Variants in AGBL1 observed in about 807,000 individuals in gnomAD.
AGBL1 encodes AGBL carboxypeptidase 1, also known as cytosolic carboxypeptidase 4.
AGBL1 carries 130 observed loss-of-function variants against 118.9 expected under a neutral mutation model. The ratio of observed to expected loss-of-function variants is 1.09; its 90% confidence interval spans 0.95 to 1.26. AGBL1 has a LOEUF of 1.26. Ranked by LOEUF, AGBL1 falls within the 50% of genes most tolerant of loss-of-function variation. AGBL1 has a pLI of 0.00. For missense variants in AGBL1, 1,584 were observed against 1,298.1 expected (o/e 1.22, Z -3.38); for synonymous variants, 555 against 478.9 (o/e 1.16, Z -2.08).
intron 22 of AGBL1, among the ~76,000 whole-genome samples, chr15:86,781,299 G>T (rs543088527): frequency 6.6e-5 from 10 of 151,944 alleles, no homozygotes; most frequent in Admixed American, 5.9e-4. Flanking sequence ...CCTGCCTTCC[G>T]TAGGGTTAAT....
chr15:86,273,564 A>T (rs79738803), intron 15 of AGBL1, among the ~76,000 whole-genome samples: 12 of 152,330 alleles, frequency 7.9e-5, no homozygotes, highest in African/African-American at 2.9e-4. Flanking sequence ...GATGCCTTAG[A>T]TTATGCAATA....
At chr15:86,901,680 A>C (rs2141581811) in intron 22 of AGBL1, among the ~76,000 whole-genome samples, 1 of 152,250 alleles carries the variant, frequency 6.6e-6, no homozygotes, top group East Asian at 1.9e-4. Context: ...ATTTCAAACA[A>C]TTTCAAAAAT....
chr15:86,213,320 C>G (rs1207503242), intron 5 of AGBL1, among the ~76,000 whole-genome samples: 1 of 152,150 alleles, frequency 6.6e-6, no homozygotes, highest in African/African-American at 2.4e-5. Flanking sequence ...GCAGTACTCC[C>G]TTCACTTCTT....
At chr15:86,220,778 C>T (rs994055162) in intron 5 of AGBL1, among the ~76,000 whole-genome samples, 1 of 152,152 alleles carries the variant, frequency 6.6e-6, no homozygotes, top group Non-Finnish European at 1.5e-5. Flanking sequence ...ATGGGGACAT[C>T]CATTTGGAGG....
At chr15:86,865,267 T>C (rs917405321) in intron 22 of AGBL1, among the ~76,000 whole-genome samples, 3 of 152,246 alleles carry the variant, frequency 2.0e-5, no homozygotes, top group African/African-American at 7.2e-5. Flanking sequence ...CCTCATTTTA[T>C]AGAAGAGGAA....
intron 18 of AGBL1, among the ~76,000 whole-genome samples, chr15:86,449,074 T>C (rs1372804787): frequency 6.6e-6 from 1 of 151,336 alleles, no homozygotes; most frequent in Non-Finnish European, 1.5e-5. Context: ...CCATAAAGAG[T>C]ATATACCGAG....
chr15:86,452,821 C>A (rs1165314995), intron 18 of AGBL1, among the ~76,000 whole-genome samples: 1 of 152,168 alleles, frequency 6.6e-6, no homozygotes, highest in African/African-American at 2.4e-5. Flanking sequence ...TGTGACACTG[C>A]AGTGTCCCCG....
intron 22 of AGBL1, among the ~76,000 whole-genome samples, chr15:86,864,817 G>A (rs2079603258): frequency 6.6e-6 from 1 of 152,078 alleles, no homozygotes; most frequent in African/African-American, 2.4e-5. Flanking sequence ...AAGTCGCCCT[G>A]GATTTCATAC....
intron 17 of AGBL1, among the ~76,000 whole-genome samples, chr15:86,368,302 A>T (rs1422526109): frequency 6.6e-6 from 1 of 152,076 alleles, no homozygotes; most frequent in Admixed American, 6.6e-5. Context: ...AACATAAACA[A>T]CAACCATGGA....
At chr15:86,336,517 T>A (rs375646136) in intron 17 of AGBL1, among the ~76,000 whole-genome samples, 8 of 152,336 alleles carry the variant, frequency 5.3e-5, no homozygotes, top group Admixed American at 3.9e-4. Flanking sequence ...AAGGCACTTG[T>A]CTGGAATAAC....
intron 22 of AGBL1, among the ~76,000 whole-genome samples, chr15:86,854,932 C>T (rs1043488948): frequency 1.3e-5 from 2 of 152,152 alleles, no homozygotes; most frequent in Non-Finnish European, 2.9e-5. Context: ...TTGATGACTT[C>T]AGTGATATCT....
intron 18 of AGBL1, among the ~76,000 whole-genome samples, chr15:86,412,028 A>C (rs1384893740): frequency 6.6e-6 from 1 of 152,196 alleles, no homozygotes; most frequent in East Asian, 1.9e-4. Flanking sequence ...ATTTGGCCCA[A>C]GGAATCCCTT....
At chr15:86,523,781 A>T (rs940167897) in intron 19 of AGBL1, among the ~76,000 whole-genome samples, 4 of 152,216 alleles carry the variant, frequency 2.6e-5, no homozygotes, top group African/African-American at 9.6e-5. Context: ...CTCTAGTACT[A>T]TACAATTGAT....
chr15:86,396,025 A>T (rs1285225076), intron 17 of AGBL1, among the ~76,000 whole-genome samples: 1 of 151,648 alleles, frequency 6.6e-6, no homozygotes, highest in Non-Finnish European at 1.5e-5. Context: ...CACTTAACAC[A>T]ATGTCCTCCA....
chr15:86,773,873 G>A (rs941142184), intron 22 of AGBL1, among the ~76,000 whole-genome samples: 2 of 151,996 alleles, frequency 1.3e-5, no homozygotes, highest in African/African-American at 4.8e-5. Context: ...AAATATACCA[G>A]CTCCACAGGA....
In AGBL1 at chr15:86,368,694, CATG is replaced by C; in HGVS notation, c.2375-28670_2375-28668del. 2.0e-5 allele frequency among the ~76,000 whole-genome samples: 3 copies of C among 152,180 alleles called. No homozygotes were observed. The Middle Eastern group carries it at 0.01, about 518-fold the overall frequency. ...TATTTCTGTAAGCACAGTTAGTAGA[CATG>C]AGGATATACTGAGAGGCTCGCACAT... On this transcript the variant is annotated intron_variant, in intron 17 of 22. Coordinates refer to ENST00000614907, the MANE Select transcript of AGBL1 (RefSeq NM_001386094.1).
At position 86,396,243 on chromosome 15, in the gene AGBL1, G is replaced by GTATATATA. The variant is rs3050890; in HGVS notation, c.2375-1110_2375-1103dup. The stretch of plus-strand genomic sequence containing the variant: ...TATATATATGTGTGTGTGTGTGTGT[G>GTATATATA]TATATATATATATATATATACACAC... On this transcript the variant is annotated intron_variant, in intron 17 of 22. Transcript: ENST00000614907. Among the ~76,000 whole-genome samples the GTATATATA allele has an allele frequency of 3.9e-4, 49 of 126,622 alleles. 1 individual carries two copies. The highest frequency in any genetic ancestry group is 1.4e-3 in the African/African-American group (44 of 32,410). The allele number at this position is 126,622 out of a possible 152,430, so 83.1% of individuals were successfully genotyped here.
intron 21 of AGBL1, among the ~76,000 whole-genome samples, chr15:86,619,010 A>G (rs1325680506): frequency 2.0e-5 from 3 of 152,032 alleles, no homozygotes; most frequent in African/African-American, 7.2e-5. Flanking sequence ...TTTAAAAATG[A>G]CTTTCAGTTC....
intron 5 of AGBL1, among the ~76,000 whole-genome samples, chr15:86,216,486 CA>C (rs2078190860): frequency 6.6e-6 from 1 of 152,126 alleles, no homozygotes; most frequent in African/African-American, 2.4e-5. Context: ...TGGATTTTAT[CA>C]AATACTTTTC....
Sources: gnomAD v4.1 joint callset for allele counts (sites outside exome capture counted in the v4.1 genomes callset) on GRCh38, gnomAD v4.1.1 for gene constraint, MANE v1.5 for transcripts, NCBI Gene and HGNC (gene_info 2026-07-23, HGNC 2026-07-21) for gene names.